RNF145: variants seen among roughly 807,000 people sequenced by gnomAD.
RNF145 encodes ring finger protein 145.
In RNF145, 12 loss-of-function variants were observed where a neutral mutation model predicts 57.3. The observed-to-expected ratio is 0.21, with a 90% CI of 0.13 to 0.34. The LOEUF (loss-of-function observed/expected upper bound fraction) is 0.34, where lower values mean the gene tolerates loss of function less well. Ranked by LOEUF, RNF145 falls within the 10% of genes least tolerant of loss-of-function variation. The probability of loss-of-function intolerance (pLI) is 1.00; values close to 1 mark genes in which losing one functional copy is unlikely to be tolerated. For missense variants in RNF145, 429 were observed against 799.0 expected, an observed-to-expected ratio of 0.54 and a Z score of 5.58; for synonymous variants, 262 against 288.3, an observed-to-expected ratio of 0.91 and a Z score of 0.92.
chr5:159,196,771 T>C (rs545146857), intron 2 of RNF145, among the ~76,000 whole-genome samples: 51 of 152,370 alleles, frequency 3.3e-4, no homozygotes, highest in South Asian at 1.2e-3. Flanking sequence ...ATATGTAATA[T>C]AGTTACTAAG....
chr5:159,173,897 A>G (rs1234048086), intron 6 of RNF145, 86 bp downstream of exon 6: 7 of 942,246 alleles, frequency 7.4e-6, no homozygotes, highest in Non-Finnish European at 1.1e-5. Context: ...ATGAACGATA[A>G]AAGTAATCTG....
In RNF145 at chr5:159,178,644, A is replaced by C. The variant is rs527713025; in HGVS notation, c.386-1777T>G. On this transcript the variant is annotated intron_variant, in intron 4 of 10. Coordinates refer to ENST00000424310, the MANE Select transcript of RNF145 (RefSeq NM_001199383.2). ...TTCCTAATCCAAAAATCTAAAATCCAAAATGCCCTAAAATCTAACATTATG... is the reference window on the plus strand; with the variant it reads ...TTCCTAATCCAAAAATCTAAAATCCCAAATGCCCTAAAATCTAACATTATG... Among the ~76,000 whole-genome samples the C allele has an allele frequency of 1.1e-4, 17 of 152,184 alleles. No homozygotes were observed. In the South Asian group the frequency reaches 2.1e-3, roughly 19 times the overall value.
chr5:159,177,425 A>G (rs971560659), intron 4 of RNF145, among the ~76,000 whole-genome samples: 1 of 152,108 alleles, frequency 6.6e-6, no homozygotes, highest in Non-Finnish European at 1.5e-5. Flanking sequence ...GGGATTACGC[A>G]TGATCATTAC....
chr5:159,170,465 T>C (rs1490195632), intron 6 of RNF145, among the ~76,000 whole-genome samples: 1 of 152,232 alleles, frequency 6.6e-6, no homozygotes, highest in African/African-American at 2.4e-5. Flanking sequence ...TAAGGATAAC[T>C]GGAAGACATT....
intron 8 of RNF145, among the ~76,000 whole-genome samples, chr5:159,166,116 T>A (rs922957161): frequency 2.0e-5 from 3 of 152,158 alleles, no homozygotes; most frequent in Non-Finnish European, 2.9e-5. Flanking sequence ...CCCCTTTCTA[T>A]CTCCTTCCTT....
intron 3 of RNF145, among the ~76,000 whole-genome samples, chr5:159,194,291 C>T (rs1247431716): frequency 2.0e-5 from 3 of 152,178 alleles, no homozygotes; most frequent in Non-Finnish European, 4.4e-5. Flanking sequence ...TCAAGGATAT[C>T]CTCCCGAGTA....
At chr5:159,186,623 T>C (rs891099597) in intron 3 of RNF145, among the ~76,000 whole-genome samples, 4 of 152,288 alleles carry the variant, frequency 2.6e-5, no homozygotes, top group African/African-American at 9.6e-5. Flanking sequence ...AACACACATA[T>C]ACGCACACAA....
chr5:159,192,691 A>G (rs1488282350), intron 3 of RNF145, among the ~76,000 whole-genome samples: 1 of 152,200 alleles, frequency 6.6e-6, no homozygotes, highest in Non-Finnish European at 1.5e-5. Flanking sequence ...TGATCTTACA[A>G]CAGCCCCTTA....
In RNF145 at chr5:159,203,523, C is replaced by G; in HGVS notation, c.95G>C (p.Ser32Thr). The stretch of plus-strand genomic sequence containing the variant: ...TCTTTGGATCTGCTGGAAAAAGGAG[C>G]TGACATCCCATCTGTACAGGACATC... The part of the protein sequence containing the change: ...LLDVLYRWDV[S>T]SFFQQIQRSS... Residue 32 changes from serine to threonine, a missense_variant, in exon 2 of 11, where the codon AGC becomes ACC. Physicochemically the swap from Ser to Thr is moderately conservative, Grantham distance 58. Coordinates refer to ENST00000424310, the MANE Select transcript of RNF145 (RefSeq NM_001199383.2). The G allele has an allele frequency of 6.2e-7, 1 of 1,614,014 alleles. No individual in the cohort carries two copies. Among genetic ancestry groups the G allele is most frequent in the Non-Finnish European group, 8.5e-7 (1 of 1,179,944 alleles).
At chr5:159,200,254 A>AT (rs1188958685) in intron 2 of RNF145, among the ~76,000 whole-genome samples, 1 of 152,158 alleles carries the variant, frequency 6.6e-6, no homozygotes, top group African/African-American at 2.4e-5. Context: ...AAAACTAACC[A>AT]TAAAAAAAAA....
At chr5:159,208,291 G>C (rs969656387) in intron 1 of RNF145, among the ~76,000 whole-genome samples, 1 of 152,310 alleles carries the variant, frequency 6.6e-6, no homozygotes, top group African/African-American at 2.4e-5. Flanking sequence ...AGAGGCTCGA[G>C]AGCTCCCCTC....
intron 2 of RNF145, among the ~76,000 whole-genome samples, chr5:159,195,304 A>G (rs536044154): frequency 1.3e-5 from 2 of 152,302 alleles, no homozygotes; most frequent in South Asian, 4.1e-4. Context: ...TGTTTCAAAG[A>G]ATGTGCAGGG....
At chr5:159,170,088 G>A (rs1784498092) in intron 6 of RNF145, among the ~76,000 whole-genome samples, 1 of 152,128 alleles carries the variant, frequency 6.6e-6, no homozygotes, top group African/African-American at 2.4e-5. Context: ...AAAATTCAAA[G>A]AGCCTAAATG....
In RNF145 at chr5:159,169,903, C is replaced by T. The variant is rs560841975; in HGVS notation, c.798-84G>A. On this transcript the variant is annotated intron_variant, in intron 6 of 10. Transcript: ENST00000424310. ...TTGAGGCCTTTAAATAATCACCAAG[C>T]TTGATTTGATACTCATTAATTAAAA... is the stretch of plus-strand genomic sequence containing the variant. 1.9e-5 allele frequency: 21 copies of T among 1,125,386 alleles called. No homozygotes were observed. The African/African-American group carries it at 2.4e-4, about 13-fold the overall frequency. The allele number at this position is 1,125,386 out of a possible 1,614,324, so 69.7% of individuals were successfully genotyped here.
At chr5:159,206,201 T>C (rs1240472536) in intron 1 of RNF145, among the ~76,000 whole-genome samples, 1 of 152,198 alleles carries the variant, frequency 6.6e-6, no homozygotes, top group Non-Finnish European at 1.5e-5. Context: ...AACTCGAGAC[T>C]GAAATGTTTT....
rs561555105 is a variant in RNF145, at chr5:159,180,335, T to A, written c.385+1625A>T. On this transcript the variant is annotated intron_variant, in intron 4 of 10. Transcript: ENST00000424310. Reference sequence around the variant, plus strand: ...GGCCATTTTTGGCTCTTTTCTCAGCTCCTGGGAATCTGGAAGGTCAATCCC... The same window carrying A: ...GGCCATTTTTGGCTCTTTTCTCAGCACCTGGGAATCTGGAAGGTCAATCCC... Among the ~76,000 whole-genome samples the A allele has an allele frequency of 1.1e-3, 165 of 152,180 alleles. 1 individual carries two copies. Among genetic ancestry groups the A allele is most frequent in the Admixed American group, 6.9e-3 (106 of 15,258 alleles).
chr5:159,176,969 A>G (rs1490429858), intron 4 of RNF145, 102 bp from the exon 5 acceptor site: 5 of 643,296 alleles, frequency 7.8e-6, no homozygotes, highest in Admixed American at 3.1e-5. Flanking sequence ...ACAACTTTTG[A>G]AGAAGTCTAA....
In RNF145 at chr5:159,158,402, G is replaced by C; in HGVS notation, c.*268C>G. On this transcript the variant is annotated 3_prime_UTR_variant, in exon 11 of 11. Transcript: ENST00000424310. ...ATCAGGGGCAGTTTCTGAAGTTGCT[G>C]AGGTTGAATTTTCTTCACAAACCTC... The C allele has an allele frequency of 2.5e-6, 1 of 393,804 alleles. No homozygotes were observed. The highest frequency in any genetic ancestry group is 4.6e-6 in the Non-Finnish European group (1 of 216,452). 24.4% of individuals were successfully genotyped at this position (393,804 alleles called of 1,614,324 possible). A position where few individuals can be genotyped will look rare whatever the true frequency, so the allele number is the denominator to read the frequency against.
At chr5:159,199,754 G>C (rs774186775) in intron 2 of RNF145, among the ~76,000 whole-genome samples, 14 of 152,036 alleles carry the variant, frequency 9.2e-5, no homozygotes, top group Non-Finnish European at 2.1e-4. Context: ...CATATCTACT[G>C]TATGTATTCA....
Sources: gnomAD v4.1 joint callset for allele counts (sites outside exome capture counted in the v4.1 genomes callset) on GRCh38, gnomAD v4.1.1 for gene constraint, MANE v1.5 for transcripts, NCBI Gene and HGNC (gene_info 2026-07-23, HGNC 2026-07-21) for gene names.